The following OSBPL8 variants were observed in gnomAD, a reference collection of about 807,000 sequenced individuals.
The protein encoded by OSBPL8 is oxysterol binding protein like 8.
A neutral mutation model predicts 125.5 loss-of-function variants in OSBPL8; 59 were observed. That is an observed-to-expected ratio of 0.47 (90% CI 0.38 to 0.58). OSBPL8 has a LOEUF of 0.58. OSBPL8 is among the 20% of genes least tolerant of loss of function. The pLI, the probability that OSBPL8 is intolerant of heterozygous loss-of-function variation, is 0.00. For synonymous variants in OSBPL8, 330 were observed against 338.9 expected (o/e 0.97, Z 0.29); for missense variants, 758 against 1,047.8 (o/e 0.72, Z 3.82).
At position 76,384,346 on chromosome 12, in the gene OSBPL8, G is replaced by C. The variant is rs549365342; in HGVS notation, c.1538C>G (p.Ser513Cys). The change falls in exon 15 of 24, where the codon TCC (serine) becomes TGC (cysteine). Residue 513 changes from serine to cysteine, a missense_variant. Around this residue, in one of 3 missense-constraint regions of OSBPL8, gnomAD observed 572 missense variants for 762.0 expected, o/e 0.75. Transcript: ENST00000261183. ...AAAGGCAGATATTGGTGGATGATGG[G>C]ACACCTATTAAACATAAGAAAAACA... The part of the protein sequence containing the change: ...SKTFYIAEQV[S>C]HHPPISAFYV... The C allele has an allele frequency of 6.6e-7, 1 of 1,518,562 alleles. No individual in the cohort carries two copies. The highest frequency in any genetic ancestry group is 1.4e-5 in the African/African-American group (1 of 73,452). The allele number at this position is 1,518,562 out of a possible 1,614,324, so 94.1% of individuals were successfully genotyped here.
intron 2 of OSBPL8, among the ~76,000 whole-genome samples, chr12:76,480,805 GAAT>G (rs1182388137): frequency 6.6e-6 from 1 of 152,174 alleles, no homozygotes; most frequent in Admixed American, 6.5e-5. Flanking sequence ...CTGGAGGAAA[GAAT>G]AATGGCCTCC....
intron 1 of OSBPL8, among the ~76,000 whole-genome samples, chr12:76,557,388 G>A (rs953009117): frequency 6.6e-5 from 10 of 152,078 alleles, no homozygotes; most frequent in Non-Finnish European, 8.8e-5. Context: ...AGGCTGAGGC[G>A]GGCGGATCTT....
In OSBPL8 at chr12:76,468,185, T is replaced by A. The variant is rs138499312; in HGVS notation, c.43-8290A>T. Reference sequence around the variant, plus strand: ...AGTGATTAATTTACCAACTTAATTTTCTAGGCAGTCACTCTGGCCTCATTT... The same window carrying A: ...AGTGATTAATTTACCAACTTAATTTACTAGGCAGTCACTCTGGCCTCATTT... On this transcript the variant is annotated intron_variant, in intron 2 of 23. Coordinates refer to ENST00000261183, the MANE Select transcript of OSBPL8 (RefSeq NM_020841.5). Among the ~76,000 whole-genome samples, 876 of 152,344 alleles carry A rather than the reference T, an allele frequency of 5.8e-3. 6 individuals are homozygous for A. Among genetic ancestry groups the A allele is most frequent in the Middle Eastern group, 0.024 (7 of 294 alleles).
At chr12:76,462,355 G>A (rs1468302655) in intron 2 of OSBPL8, among the ~76,000 whole-genome samples, 1 of 151,996 alleles carries the variant, frequency 6.6e-6, no homozygotes, top group Non-Finnish European at 1.5e-5. Context: ...GGTTAGTCTC[G>A]ACATTATCCT....
intron 1 of OSBPL8, among the ~76,000 whole-genome samples, chr12:76,525,145 G>A (rs899047467): frequency 3.3e-5 from 5 of 152,150 alleles, no homozygotes; most frequent in African/African-American, 9.7e-5. Context: ...CCACTGAGGT[G>A]TATAGACCTT....
intron 16 of OSBPL8, among the ~76,000 whole-genome samples, chr12:76,376,446 T>C (rs781362976): frequency 6.6e-6 from 1 of 152,164 alleles, no homozygotes; most frequent in Non-Finnish European, 1.5e-5. Context: ...GGAACACACC[T>C]TAGAAAACAT....
chr12:76,374,934 T>G (rs1274583203), intron 17 of OSBPL8, among the ~76,000 whole-genome samples: 3 of 152,206 alleles, frequency 2.0e-5, no homozygotes, highest in African/African-American at 7.2e-5. Context: ...ACATATCTTC[T>G]GGTATTTGGT....
chr12:76,418,185 A>C (rs1868976328), intron 4 of OSBPL8, among the ~76,000 whole-genome samples: 1 of 151,734 alleles, frequency 6.6e-6, no homozygotes, highest in African/African-American at 2.4e-5. Flanking sequence ...TTGTATTTTT[A>C]GTAGAGATGG....
intron 1 of OSBPL8, among the ~76,000 whole-genome samples, chr12:76,558,786 G>T (rs927473627): frequency 1.3e-5 from 2 of 152,214 alleles, no homozygotes; most frequent in African/African-American, 4.8e-5. Flanking sequence ...AAAGCATGCT[G>T]CCTGTGAAGC....
chr12:76,408,355 G>A (rs1169253611), intron 5 of OSBPL8, among the ~76,000 whole-genome samples: 2 of 150,826 alleles, frequency 1.3e-5, no homozygotes, highest in South Asian at 2.1e-4. Flanking sequence ...CCAGCTACTC[G>A]GGAGGCTGAG....
At chr12:76,527,007 C>A (rs907251284) in intron 1 of OSBPL8, among the ~76,000 whole-genome samples, 1 of 152,058 alleles carries the variant, frequency 6.6e-6, no homozygotes, top group Non-Finnish European at 1.5e-5. Flanking sequence ...AACCACTTTA[C>A]ACCTCTGGAC....
intron 1 of OSBPL8, among the ~76,000 whole-genome samples, chr12:76,505,607 C>G (rs936573228): frequency 6.6e-6 from 1 of 151,984 alleles, no homozygotes; most frequent in African/African-American, 2.4e-5. Flanking sequence ...CCTGGAAAGG[C>G]CTTTAGGCTT....
chr12:76,453,681 C>A (rs140242043), intron 3 of OSBPL8, among the ~76,000 whole-genome samples: 1 of 151,636 alleles, frequency 6.6e-6, no homozygotes, highest in Non-Finnish European at 1.5e-5. Context: ...TAAAAAGACA[C>A]AAAAAAGCAC....
intron 1 of OSBPL8, among the ~76,000 whole-genome samples, chr12:76,555,215 C>T (rs1265632865): frequency 6.6e-6 from 1 of 152,084 alleles, no homozygotes; most frequent in Non-Finnish European, 1.5e-5. Context: ...AATGACATTA[C>T]AGGCAAAGAC....
chr12:76,406,090 CTT>C (rs1954251665), intron 5 of OSBPL8, among the ~76,000 whole-genome samples: 1 of 152,084 alleles, frequency 6.6e-6, no homozygotes, highest in Non-Finnish European at 1.5e-5. Context: ...AAGTGTTTAA[CTT>C]AGTACTTGGT....
At chr12:76,435,635 A>G (rs1871355742) in intron 4 of OSBPL8, among the ~76,000 whole-genome samples, 1 of 152,154 alleles carries the variant, frequency 6.6e-6, no homozygotes, top group South Asian at 2.1e-4. Context: ...AAGTTGTACA[A>G]GAAATATATA....
chr12:76,493,387 TTTCA>T (rs1314225585), intron 1 of OSBPL8, among the ~76,000 whole-genome samples: 1 of 152,232 alleles, frequency 6.6e-6, no homozygotes, highest in African/African-American at 2.4e-5. Flanking sequence ...AAGAATTCTC[TTTCA>T]TTTTTTTGTA....
Position 76,427,235 on chromosome 12 carries a change from T to C in OSBPL8, c.218-16601A>G, listed in dbSNP as rs78604054. Reference sequence around the variant, plus strand: ...AAGAGAAGCAGTGGAAACAACATTATATGATAGAATATTTCTGGATCCTAA... The same window carrying C: ...AAGAGAAGCAGTGGAAACAACATTACATGATAGAATATTTCTGGATCCTAA... On this transcript the variant is annotated intron_variant, in intron 4 of 23. Coordinates refer to ENST00000261183, the MANE Select transcript of OSBPL8 (RefSeq NM_020841.5). Among the ~76,000 whole-genome samples, 989 of 152,198 alleles carry C rather than the reference T, an allele frequency of 6.5e-3. 6 individuals carry two copies. Among genetic ancestry groups the C allele is most frequent in the Middle Eastern group, 0.037 (11 of 294 alleles).
intron 1 of OSBPL8, among the ~76,000 whole-genome samples, chr12:76,492,733 C>T (rs1878854620): frequency 6.6e-6 from 1 of 152,132 alleles, no homozygotes; most frequent in Non-Finnish European, 1.5e-5. Flanking sequence ...GACCATCTAG[C>T]TGCAGGAAAA....
Sources: gnomAD v4.1 joint callset for allele counts (sites outside exome capture counted in the v4.1 genomes callset) on GRCh38, gnomAD v4.1.1 for gene constraint, gnomAD v4.1.1 regional missense constraint, MANE v1.5 for transcripts, NCBI Gene and HGNC (gene_info 2026-07-23, HGNC 2026-07-21) for gene names.